The following CREB3L2 variants were observed in gnomAD, a reference collection of about 807,000 sequenced individuals.
The protein encoded by CREB3L2 is cyclic AMP-responsive element-binding protein 3-like protein 2.
CREB3L2 carries 23 observed loss-of-function variants against 57.2 expected under a neutral mutation model. The ratio of observed to expected loss-of-function variants is 0.40; its 90% CI spans 0.29 to 0.57. The LOEUF is 0.57. Ranked by LOEUF, CREB3L2 falls within the 20% of genes least tolerant of loss-of-function variation. The pLI is 0.42. For synonymous variants in CREB3L2, 268 were observed against 265.1 expected, an observed-to-expected ratio of 1.01 and a Z score of -0.11; for missense variants, 628 against 634.7, an observed-to-expected ratio of 0.99 and a Z score of 0.11.
intron 1 of CREB3L2, among the ~76,000 whole-genome samples, chr7:137,941,059 G>A (rs185223496): frequency 1.0e-3 from 157 of 152,296 alleles, no homozygotes; most frequent in Non-Finnish European, 1.8e-3. Flanking sequence ...CACCTCTCTG[G>A]AATGACATGT....
At chr7:137,998,195 G>GA (rs1398478372) in intron 1 of CREB3L2, among the ~76,000 whole-genome samples, 3 of 151,824 alleles carry the variant, frequency 2.0e-5, no homozygotes, top group East Asian at 1.9e-4. Context: ...CTAACCAAAT[G>GA]AAAAAAAACA....
chr7:137,937,643 T>A (rs1563259601), intron 1 of CREB3L2, among the ~76,000 whole-genome samples: 1 of 152,170 alleles, frequency 6.6e-6, no homozygotes, highest in Non-Finnish European at 1.5e-5. Context: ...TGTAGGCCCA[T>A]TACATATTTC....
chr7:137,972,072 C>CTT (rs1392129296), intron 1 of CREB3L2, among the ~76,000 whole-genome samples: 1 of 152,084 alleles, frequency 6.6e-6, no homozygotes, highest in Non-Finnish European at 1.5e-5. Context: ...AATCTGAACT[C>CTT]TAACACAAGA....
intron 2 of CREB3L2, among the ~76,000 whole-genome samples, chr7:137,926,088 C>T (rs575074509): frequency 8.3e-4 from 127 of 152,312 alleles, no homozygotes; most frequent in African/African-American, 2.9e-3. Flanking sequence ...ACAACAGATG[C>T]TGGCGAGGAT....
chr7:137,917,874 C>T (rs1024552890), intron 2 of CREB3L2, among the ~76,000 whole-genome samples: 1 of 151,918 alleles, frequency 6.6e-6, no homozygotes, highest in Non-Finnish European at 1.5e-5. Context: ...TATGGTGTGA[C>T]GGGGATTTCC....
chr7:137,882,557 C>T lies in CREB3L2; in HGVS notation c.1342G>A (p.Gly448Arg). Residue 448 changes from glycine to arginine, a missense_variant, in exon 11 of 12, where the codon GGG (glycine) becomes AGG (arginine). Coordinates refer to ENST00000330387, the MANE Select transcript of CREB3L2 (RefSeq NM_194071.4). ...CCTCTATCCCAGCCCCCCAGCTCCC[C>T]AGCCGAGCCCGGGCTGGATGACTCC... ...PEESSSPGSA[G>R]ELGGWDRGSS... 7 of 1,613,684 alleles carry T rather than the reference C, an allele frequency of 4.3e-6. No individual in the cohort carries two copies. The highest frequency in any genetic ancestry group is 5.9e-6 in the Non-Finnish European group (7 of 1,179,670).
At chr7:137,959,811 C>T (rs1240994925) in intron 1 of CREB3L2, among the ~76,000 whole-genome samples, 2 of 152,180 alleles carry the variant, frequency 1.3e-5, no homozygotes, top group Admixed American at 6.5e-5. Context: ...GAGGAAAGTA[C>T]GTGCAATATT....
At chr7:137,979,826 A>C (rs963816345) in intron 1 of CREB3L2, among the ~76,000 whole-genome samples, 2 of 152,184 alleles carry the variant, frequency 1.3e-5, no homozygotes, top group African/African-American at 4.8e-5. Flanking sequence ...TTCTGAGTGG[A>C]CAGGTATAAA....
At chr7:137,951,256 C>T (rs1165154049) in intron 1 of CREB3L2, among the ~76,000 whole-genome samples, 2 of 152,122 alleles carry the variant, frequency 1.3e-5, no homozygotes, top group East Asian at 1.9e-4. Context: ...AAGTACAAGA[C>T]GGCTGTGATA....
At chr7:137,927,534 A>C (rs776186631) in intron 2 of CREB3L2, among the ~76,000 whole-genome samples, 1 of 152,156 alleles carries the variant, frequency 6.6e-6, no homozygotes, top group Non-Finnish European at 1.5e-5. Context: ...GTTTGGAACA[A>C]GATACAGCTT....
chr7:137,982,519 T>C (rs951544718), intron 1 of CREB3L2, among the ~76,000 whole-genome samples: 2 of 152,150 alleles, frequency 1.3e-5, no homozygotes, highest in East Asian at 3.9e-4. Flanking sequence ...GGTGGGTCTT[T>C]CCTGTATCGT....
chr7:137,915,012 C>T (rs921722132), intron 3 of CREB3L2, among the ~76,000 whole-genome samples: 3 of 152,132 alleles, frequency 2.0e-5, no homozygotes, highest in Admixed American at 1.3e-4. Flanking sequence ...TAGGCATGAG[C>T]CACCGTGCCC....
chr7:137,888,124 GTTTCT>G lies in CREB3L2; in HGVS notation c.1044-2627_1044-2623del, dbSNP rs1330338599. On this transcript the variant is annotated intron_variant, in intron 8 of 11. Coordinates refer to ENST00000330387, the MANE Select transcript of CREB3L2 (RefSeq NM_194071.4). ...GGTGTGAGTCATCATGCCCAGCTAA[GTTTCT>G]TTTCTTTATTTTTTGTAGAGACAGC... Among the ~76,000 whole-genome samples the G allele has an allele frequency of 2.0e-5, 3 of 152,034 alleles. No homozygotes were observed. The East Asian group carries it at 5.8e-4, about 29-fold the overall frequency.
intron 10 of CREB3L2, among the ~76,000 whole-genome samples, chr7:137,883,819 T>C (rs1799349334): frequency 6.6e-6 from 1 of 152,160 alleles, no homozygotes; most frequent in African/African-American, 2.4e-5. Context: ...AAACCTCAGA[T>C]AAGGGGGGAC....
chr7:137,961,780 T>C (rs573669225), intron 1 of CREB3L2, among the ~76,000 whole-genome samples: 1 of 152,340 alleles, frequency 6.6e-6, no homozygotes, highest in Admixed American at 6.5e-5. Context: ...GCTCTGCCCT[T>C]GGCAATTCTT....
At chr7:137,914,887 C>T (rs1378175802) in intron 3 of CREB3L2, among the ~76,000 whole-genome samples, 2 of 151,982 alleles carry the variant, frequency 1.3e-5, no homozygotes, top group Non-Finnish European at 2.9e-5. Context: ...ATCTTTTTTT[C>T]TTTCTTTCTT....
chr7:137,920,090 C>T (rs1387322965), intron 2 of CREB3L2, among the ~76,000 whole-genome samples: 1 of 152,058 alleles, frequency 6.6e-6, no homozygotes. Context: ...GTCAATGAGA[C>T]CCTTATTATG....
At chr7:137,955,379 T>A in intron 1 of CREB3L2, 2 of 1,141,156 alleles carry the variant, frequency 1.8e-6, no homozygotes, top group South Asian at 2.6e-5. Flanking sequence ...GGCAGTCTTA[T>A]GATTAGTTCT....
intron 4 of CREB3L2, 25 bp from the exon 5 acceptor site, chr7:137,908,461 T>C (rs1204208561): frequency 1.1e-5 from 14 of 1,252,128 alleles, no homozygotes; most frequent in Non-Finnish European, 1.4e-5. Context: ...GCACATCTCA[T>C]CCATCCCAGA....
Sources: allele counts gnomAD v4.1 joint callset (sites outside exome capture counted in the v4.1 genomes callset), GRCh38; gene constraint gnomAD v4.1.1; transcripts MANE v1.5; gene names NCBI Gene and HGNC (gene_info 2026-07-23, HGNC 2026-07-21).